Variants in CD82 observed in about 807,000 individuals in gnomAD.
The protein encoded by CD82 is CD82 antigen.
A neutral mutation model predicts 37.4 loss-of-function variants in CD82; 36 were observed. The ratio of observed to expected loss-of-function variants is 0.96; its 90% confidence interval spans 0.74 to 1.27. The LOEUF (loss-of-function observed/expected upper bound fraction) is 1.27. Among genes scored for constraint, CD82 ranks in the 50% most tolerant of loss-of-function variants. The probability of loss-of-function intolerance (pLI) is 0.00; values close to 1 mark genes in which losing one functional copy is unlikely to be tolerated. For synonymous variants in CD82, 158 were observed against 137.4 expected (o/e 1.15, Z -1.05); for missense variants, 340 against 347.0 (o/e 0.98, Z 0.16).
At chr11:44,592,872 A>G (rs932023476) in intron 2 of CD82, among the ~76,000 whole-genome samples, 6 of 152,160 alleles carry the variant, frequency 3.9e-5, no homozygotes, top group African/African-American at 1.4e-4. Flanking sequence ...TAAATCCCCC[A>G]GGAGTATTTT....
chr11:44,590,739 T>G (rs1208175259), intron 2 of CD82, among the ~76,000 whole-genome samples: 1 of 151,986 alleles, frequency 6.6e-6, no homozygotes, highest in Non-Finnish European at 1.5e-5. Flanking sequence ...CCCTTATTTC[T>G]GTCTCATGGA....
intron 2 of CD82, among the ~76,000 whole-genome samples, chr11:44,588,147 C>A (rs1853085889): frequency 6.6e-6 from 1 of 152,074 alleles, no homozygotes; most frequent in Admixed American, 6.5e-5. Flanking sequence ...CACAGCAGAC[C>A]ATGTGGCAGG....
At chr11:44,575,879 T>C (rs1233992089) in intron 1 of CD82, among the ~76,000 whole-genome samples, 1 of 152,202 alleles carries the variant, frequency 6.6e-6, no homozygotes, top group Non-Finnish European at 1.5e-5. Context: ...ACAAGTGACA[T>C]GCTGTGTCTA....
In CD82 at chr11:44,619,324, T is replaced by G. The variant is rs1853623067; in HGVS notation, c.*198T>G. ...TGCCAGCCTTGAGCCCTGGCTGTTC[T>G]GTGGTTCCTCTGCTCACCGCCCATC... On this transcript the variant is annotated 3_prime_UTR_variant, in exon 10 of 10. Coordinates refer to ENST00000227155, the MANE Select transcript of CD82 (RefSeq NM_002231.4). 1.7e-6 allele frequency: 1 copy of G among 583,560 alleles called. No individual in the cohort carries two copies. Among genetic ancestry groups the G allele is most frequent in the African/African-American group, 1.9e-5 (1 of 53,426 alleles). 36.1% of individuals were successfully genotyped at this position (583,560 alleles called of 1,614,324 possible). A position where few individuals can be genotyped will look rare whatever the true frequency, so the allele number is the denominator to read the frequency against.
At position 44,593,454 on chromosome 11, in the gene CD82, C is replaced by T. The variant is rs976078990; in HGVS notation, c.-20-1189C>T. Among the ~76,000 whole-genome samples the T allele has an allele frequency of 5.9e-5, 9 of 152,234 alleles. 1 individual carries two copies. The highest frequency in any genetic ancestry group is 2.9e-5 in the Non-Finnish European group (2 of 68,042). On this transcript the variant is annotated intron_variant, in intron 2 of 9. Coordinates refer to ENST00000227155, the MANE Select transcript of CD82 (RefSeq NM_002231.4). ...CCCTTTGCCCCAAAGGGTCTGAAGG[C>T]TGGCGGCTGGCACTCCTGGATTTTC...
intron 3 of CD82, among the ~76,000 whole-genome samples, chr11:44,598,369 A>G (rs1315744594): frequency 2.8e-5 from 4 of 144,550 alleles, no homozygotes; most frequent in Admixed American, 7.0e-5. Flanking sequence ...TCAAAGTTTA[A>G]TAGTTCAGTT....
chr11:44,600,475 G>A (rs2134666136), intron 4 of CD82, among the ~76,000 whole-genome samples: 1 of 152,290 alleles, frequency 6.6e-6, no homozygotes, highest in Non-Finnish European at 1.5e-5. Context: ...TGGGGATGAG[G>A]GAGGCTTGTT....
At chr11:44,575,423 T>C (rs912780292) in intron 1 of CD82, among the ~76,000 whole-genome samples, 12 of 152,070 alleles carry the variant, frequency 7.9e-5, no homozygotes, top group African/African-American at 2.7e-4. Context: ...TTCTCCAGAG[T>C]AGGTGGTGGG....
chr11:44,566,448 G>A (rs1852736303), intron 1 of CD82: 1 of 152,302 alleles, frequency 6.6e-6, no homozygotes, highest in Non-Finnish European at 1.5e-5. Flanking sequence ...AGGGCCCCAG[G>A]GGCCCTTGAA....
intron 1 of CD82, among the ~76,000 whole-genome samples, chr11:44,583,761 C>T (rs555761286): frequency 1.3e-5 from 2 of 152,304 alleles, no homozygotes; most frequent in South Asian, 2.1e-4. Context: ...AATAATCTCT[C>T]GTTTAATAAT....
In CD82 at chr11:44,605,189, A is replaced by G; in HGVS notation, c.261+7A>G. ...CCGCTGCCTGCTGGGGCTGGTGAGT[A>G]CGGATCCCTCCGCAGCTGCCTGCCC... On this transcript the variant is annotated splice_region_variant and intron_variant, in intron 5 of 9. Coordinates refer to ENST00000227155, the MANE Select transcript of CD82 (RefSeq NM_002231.4). 1.2e-6 allele frequency: 2 copies of G among 1,612,946 alleles called. No homozygotes were observed. The highest frequency in any genetic ancestry group is 1.7e-6 in the Non-Finnish European group (2 of 1,179,328).
chr11:44,587,997 C>G, intron 2 of CD82: 1 of 224,466 alleles, frequency 4.5e-6, no homozygotes, highest in African/African-American at 2.2e-5. Context: ...CCCAGTCTTT[C>G]ATGCAGCAAT....
Position 44,615,296 on chromosome 11 carries a change from G to A in CD82, c.361G>A (p.Val121Met), listed in dbSNP as rs1456456541. ...GKLKQEMGGI[V>M]TELIRDYNSS... ...GCTGAAGCAGGAGATGGGCGGCATC[G>A]TGACTGAGCTCATTCGAGACTACAA... The change falls in exon 7 of 10, where the codon GTG becomes ATG. Residue 121 changes from valine to methionine, a missense_variant. Physicochemically the swap from Val to Met is conservative, Grantham distance 21 (BLOSUM62 1). Coordinates refer to ENST00000227155, the MANE Select transcript of CD82 (RefSeq NM_002231.4). The A allele has an allele frequency of 1.1e-5, 17 of 1,612,880 alleles. No individual in the cohort carries two copies. The highest frequency in any genetic ancestry group is 4.0e-5 in the African/African-American group (3 of 74,904).
At chr11:44,564,997 G>A (rs944361709), upstream of CD82, among the ~76,000 whole-genome samples, 1 of 152,262 alleles carries the variant, frequency 6.6e-6, no homozygotes. Context: ...TTCAATCAAT[G>A]GTAGTCAGTA....
intron 1 of CD82, among the ~76,000 whole-genome samples, chr11:44,578,147 C>T (rs538658796): frequency 6.6e-6 from 1 of 152,256 alleles, no homozygotes; most frequent in East Asian, 1.9e-4. Context: ...TGGGTCAGGC[C>T]AGTGGCTGCT....
At chr11:44,571,846 A>T (rs1852819090) in intron 1 of CD82, among the ~76,000 whole-genome samples, 1 of 152,220 alleles carries the variant, frequency 6.6e-6, no homozygotes, top group African/African-American at 2.4e-5. Context: ...AAGGGATTAC[A>T]GGCATGATCT....
chr11:44,572,837 C>A lies in CD82; in HGVS notation c.-103+7101C>A, dbSNP rs551022239. 2.5e-3 allele frequency among the ~76,000 whole-genome samples: 382 copies of A among 152,238 alleles called. 3 individuals carry two copies. Among genetic ancestry groups the A allele is most frequent in the African/African-American group, 8.9e-3 (368 of 41,528 alleles). On this transcript the variant is annotated intron_variant, in intron 1 of 9. Coordinates refer to ENST00000227155, the MANE Select transcript of CD82 (RefSeq NM_002231.4). ...TTGAATATGGAGCTCTAAATGGAAGCCGGTGGAAGAAGGTGGCTTTACATC... is the reference window on the plus strand; with the variant it reads ...TTGAATATGGAGCTCTAAATGGAAGACGGTGGAAGAAGGTGGCTTTACATC...
chr11:44,615,556 G>T (rs925905478), intron 7 of CD82, among the ~76,000 whole-genome samples, 183 bp downstream of exon 7: 1 of 152,202 alleles, frequency 6.6e-6, no homozygotes, highest in South Asian at 2.1e-4. Context: ...TGCTCAGGGG[G>T]CCCAGAGACT....
In CD82 at chr11:44,619,799, G is replaced by A. The variant is rs1853636873; in HGVS notation, c.*673G>A. ...AAAAAAAAAAAAAAAATTGGGGAGG[G>A]AAGGGCGTTAGATAAGGCACTCTGG... On this transcript the variant is annotated 3_prime_UTR_variant, in exon 10 of 10. Transcript: ENST00000227155. 6.6e-6 allele frequency: 1 copy of A among 151,224 alleles called. No individual in the cohort carries two copies. Among genetic ancestry groups the A allele is most frequent in the South Asian group, 2.1e-4 (1 of 4,804 alleles). 9.4% of individuals were successfully genotyped at this position (151,224 alleles called of 1,614,324 possible). A position where few individuals can be genotyped will look rare whatever the true frequency, so the allele number is the denominator to read the frequency against.
Sources: allele counts gnomAD v4.1 joint callset (sites outside exome capture counted in the v4.1 genomes callset), GRCh38; gene constraint gnomAD v4.1.1; transcripts MANE v1.5; gene names NCBI Gene and HGNC (gene_info 2026-07-23, HGNC 2026-07-21).